Variants in GDF5 observed in about 807,000 individuals in gnomAD.
The protein encoded by GDF5 is growth/differentiation factor 5.
GDF5 carries 17 observed loss-of-function variants against 34.6 expected under a neutral mutation model. The observed-to-expected ratio is 0.49, with a 90% CI of 0.34 to 0.74. GDF5 has a LOEUF of 0.74. GDF5 is among the 30% of genes least tolerant of loss of function. The probability of loss-of-function intolerance (pLI) is 0.01; values close to 1 mark genes in which losing one functional copy is unlikely to be tolerated. For missense variants in GDF5, 616 were observed against 661.2 expected (o/e 0.93, Z 0.75); for synonymous variants, 332 against 290.7 (o/e 1.14, Z -1.44).
At chr20:35,453,887 T>C (rs774738237) in intron 1 of GDF5, 1 of 534,452 alleles carries the variant, frequency 1.9e-6, no homozygotes, top group Non-Finnish European at 3.8e-6. Flanking sequence ...CTGAGCGCTA[T>C]AGTCAGATGA....
chr20:35,451,182 G>A (rs948887483), intron 1 of GDF5, among the ~76,000 whole-genome samples: 7 of 150,700 alleles, frequency 4.6e-5, no homozygotes, highest in Admixed American at 3.3e-4. Context: ...AGTCCAGACG[G>A]CCTCTTGGCA....
intron 1 of GDF5, among the ~76,000 whole-genome samples, chr20:35,443,431 TG>T: frequency 6.6e-6 from 1 of 152,152 alleles, no homozygotes; most frequent in Non-Finnish European, 1.5e-5. Flanking sequence ...TAGAGCCTTT[TG>T]CTTTTATGTT....
Position 35,446,793 on chromosome 20 carries a change from C to T in GDF5, c.-397-5406G>A, listed in dbSNP as rs150263731. On this transcript the variant is annotated intron_variant, in intron 1 of 3. Transcript: ENST00000374372. ...AATTCTGAATCCAGTGCCCTTCCCA[C>T]GTAAAGAGAGGACTGACCACCCTAC... Among the ~76,000 whole-genome samples the T allele has an allele frequency of 2.9e-3, 440 of 152,138 alleles. 1 individual carries two copies. Among genetic ancestry groups the T allele is most frequent in the African/African-American group, 9.8e-3 (408 of 41,510 alleles).
At chr20:35,444,817 A>G (rs2062508790) in intron 1 of GDF5, among the ~76,000 whole-genome samples, 2 of 151,620 alleles carry the variant, frequency 1.3e-5, no homozygotes, top group Non-Finnish European at 2.9e-5. Context: ...CTGGTCTCGA[A>G]CTCCTGACCT....
chr20:35,434,248 G>A lies in GDF5; in HGVS notation c.1167C>T (p.Gly389=). Residue 389 remains glycine, a synonymous_variant, in exon 2 of 2, where the codon GGC becomes GGT. Coordinates refer to ENST00000374369, the MANE Select transcript of GDF5 (RefSeq NM_000557.5). ...CCTTAAGGTTCTTGCTGGGTCGCTTGCCCTGGCGAGTGGCCAGTGGGGCCC... is the reference window on the plus strand; with the variant it reads ...CCTTAAGGTTCTTGCTGGGTCGCTTACCCTGGCGAGTGGCCAGTGGGGCCC... ...KRRAPLATRQ[G]KRPSKNLKAR... The A allele has an allele frequency of 6.2e-7, 1 of 1,614,050 alleles. No individual in the cohort carries two copies. Among genetic ancestry groups the A allele is most frequent in the South Asian group, 1.1e-5 (1 of 91,084 alleles).
intron 1 of GDF5, among the ~76,000 whole-genome samples, chr20:35,444,400 A>G (rs1244023676): frequency 6.6e-6 from 1 of 152,292 alleles, no homozygotes; most frequent in East Asian, 1.9e-4. Flanking sequence ...GAGGACAAGC[A>G]TTCCAGGTGG....
chr20:35,448,602 C>T (rs1601081671), intron 1 of GDF5, among the ~76,000 whole-genome samples: 1 of 151,918 alleles, frequency 6.6e-6, no homozygotes, highest in African/African-American at 2.4e-5. Context: ...CGACACCAGG[C>T]CCGGCTAATT....
rs115005136 is a variant in GDF5, at chr20:35,437,196, C to T, written c.631+102G>A. On this transcript the variant is annotated intron_variant, in intron 1 of 1. Coordinates refer to ENST00000374369, the MANE Select transcript of GDF5 (RefSeq NM_000557.5). Reference sequence around the variant, plus strand: ...AGACACCCACCCCGGGCCAGATGCACACAGTGTCTCCCACCAGGGCAGTGC... The same window carrying T: ...AGACACCCACCCCGGGCCAGATGCATACAGTGTCTCCCACCAGGGCAGTGC... 2.3e-3 allele frequency: 1,971 copies of T among 853,876 alleles called. 34 individuals are homozygous for T. The African/African-American group carries it at 0.028, about 12-fold the overall frequency. 52.9% of individuals were successfully genotyped at this position (853,876 alleles called of 1,614,324 possible).
upstream of GDF5, among the ~76,000 whole-genome samples, chr20:35,442,907 T>A (rs2062502598): frequency 6.6e-6 from 1 of 152,144 alleles, no homozygotes; most frequent in Non-Finnish European, 1.5e-5. Context: ...ATTTTTTAAA[T>A]CTAATTTTGG....
intron 1 of GDF5, among the ~76,000 whole-genome samples, chr20:35,446,412 T>G (rs1425782520): frequency 1.3e-5 from 2 of 151,978 alleles, no homozygotes; most frequent in Non-Finnish European, 2.9e-5. Flanking sequence ...CAGTATGTGC[T>G]TCATAAATTA....
intron 1 of GDF5, chr20:35,453,882 C>T (rs1453656605): frequency 3.7e-6 from 2 of 534,016 alleles, no homozygotes; most frequent in Non-Finnish European, 7.7e-6. Flanking sequence ...TTGTGCTGAG[C>T]GCTATAGTCA....
In GDF5 at chr20:35,437,824, G is replaced by C; in HGVS notation, c.105C>G (p.Pro35=). ...VLGAPDLGQR[P]QGTRPGLAKA... ...TGGCCAATCCTGGCCTGGTCCCCTG[G>C]GGTCTCTGGCCCAAGTCAGGGGCAC... Residue 35 remains proline (P), a synonymous_variant, in exon 1 of 2, where the codon CCC becomes CCG. Transcript: ENST00000374369. 6.2e-7 allele frequency: 1 copy of C among 1,613,818 alleles called. No homozygotes were observed. Among genetic ancestry groups the C allele is most frequent in the Non-Finnish European group, 8.5e-7 (1 of 1,179,856 alleles).
At chr20:35,451,777 A>C (rs2062534678) in intron 1 of GDF5, among the ~76,000 whole-genome samples, 1 of 151,796 alleles carries the variant, frequency 6.6e-6, no homozygotes, top group South Asian at 2.1e-4. Flanking sequence ...CAAGTGATCC[A>C]CCTGTCTTGG....
Position 35,433,663 on chromosome 20 carries a change from C to T in GDF5, c.*246G>A. On this transcript the variant is annotated 3_prime_UTR_variant, in exon 2 of 2. Coordinates refer to ENST00000374369, the MANE Select transcript of GDF5 (RefSeq NM_000557.5). ...CTCAGTCCCATTCAGAGTCTGTCTC[C>T]CTGGACCTGTGCCTGCCACTGGTCA... The T allele has an allele frequency of 1.7e-6, 1 of 575,458 alleles. No individual in the cohort carries two copies. Among genetic ancestry groups the T allele is most frequent in the Non-Finnish European group, 3.2e-6 (1 of 315,798 alleles). The allele number at this position is 575,458 out of a possible 1,614,324, so 35.6% of individuals were successfully genotyped here. A position where few individuals can be genotyped will look rare whatever the true frequency, so the allele number is the denominator to read the frequency against.
At position 35,437,469 on chromosome 20, in the gene GDF5, GC is replaced by G; in HGVS notation, c.459del (p.Pro155HisfsTer38). On this transcript the variant is annotated frameshift_variant, in exon 1 of 2. Transcript: ENST00000374369. LOFTEE classifies it high-confidence loss of function. ...SFLLKKAREP[G>X]PPREPKEPFR... is the part of the protein sequence containing the mutation. ...AACGGCTCCTTGGGCTCTCGTGGGG[GC>G]CCGGGCTCCCTGGCCTTCTTCAGCA... 1 of 1,614,100 alleles carries G rather than the reference GC, an allele frequency of 6.2e-7. No homozygotes were observed. Among genetic ancestry groups the G allele is most frequent in the South Asian group, 1.1e-5 (1 of 91,086 alleles).
At chr20:35,443,152 C>G (rs2062503442), upstream of GDF5, among the ~76,000 whole-genome samples, 1 of 152,226 alleles carries the variant, frequency 6.6e-6, no homozygotes, top group Non-Finnish European at 1.5e-5. Flanking sequence ...AAGGCCCTCT[C>G]CAGAGAGGAG....
At chr20:35,451,118 G>A (rs2062532163) in intron 1 of GDF5, among the ~76,000 whole-genome samples, 1 of 118,774 alleles carries the variant, frequency 8.4e-6, no homozygotes. Flanking sequence ...TAGTGATTTA[G>A]CACCTCATTT....
At chr20:35,445,135 T>A (rs1227503115) in intron 1 of GDF5, among the ~76,000 whole-genome samples, 2 of 152,194 alleles carry the variant, frequency 1.3e-5, no homozygotes, top group African/African-American at 4.8e-5. Flanking sequence ...CAAATCCTGG[T>A]TCCCCCCATT....
chr20:35,439,994 G>A (rs1300681939), upstream of GDF5, among the ~76,000 whole-genome samples: 2 of 128,490 alleles, frequency 1.6e-5, no homozygotes, highest in Admixed American at 2.1e-4. Context: ...TTGGCTCACT[G>A]TAATCTCCAC....
Sources: allele counts gnomAD v4.1 joint callset (sites outside exome capture counted in the v4.1 genomes callset), GRCh38; gene constraint gnomAD v4.1.1; transcripts MANE v1.5; gene names NCBI Gene and HGNC (gene_info 2026-07-23, HGNC 2026-07-21).